CCDC178: variants seen among roughly 807,000 people sequenced by gnomAD.
CCDC178 encodes the protein coiled-coil domain containing 178.
A neutral mutation model predicts 117.4 loss-of-function variants in CCDC178; 126 were observed. The observed-to-expected ratio is 1.07, with a 90% confidence interval of 0.93 to 1.24. The LOEUF (loss-of-function observed/expected upper bound fraction) is 1.24, where lower values mean the gene tolerates loss of function less well. Among genes scored for constraint, CCDC178 ranks in the 50% most tolerant of loss-of-function variants. The probability of loss-of-function intolerance (pLI) is 0.00; values close to 1 mark genes in which losing one functional copy is unlikely to be tolerated. For synonymous variants in CCDC178, 283 were observed against 313.4 expected (o/e 0.90, Z 1.02); for missense variants, 1,030 against 986.9 (o/e 1.04, Z -0.59).
chr18:33,183,106 G>A (rs2058749484), intron 20 of CCDC178, among the ~76,000 whole-genome samples: 1 of 151,838 alleles, frequency 6.6e-6, no homozygotes, highest in South Asian at 2.1e-4. Flanking sequence ...ACCGATATAT[G>A]CATTTTATTG....
chr18:32,947,032 G>A (rs1039454918), intron 22 of CCDC178, among the ~76,000 whole-genome samples: 1 of 151,842 alleles, frequency 6.6e-6, no homozygotes, highest in Non-Finnish European at 1.5e-5. Flanking sequence ...CGCCCGCCTC[G>A]GCCTCCTAAA....
intron 9 of CCDC178, among the ~76,000 whole-genome samples, chr18:33,340,154 G>C (rs904750316): frequency 2.0e-5 from 3 of 152,116 alleles, no homozygotes; most frequent in African/African-American, 7.2e-5. Context: ...ACAGAGATAA[G>C]AAACTTGTTG....
chr18:33,404,507 T>C (rs983835435), intron 3 of CCDC178, among the ~76,000 whole-genome samples: 4 of 152,116 alleles, frequency 2.6e-5, no homozygotes, highest in Admixed American at 6.6e-5. Flanking sequence ...TTTTGTATTA[T>C]GAAATGTAAA....
intron 15 of CCDC178, among the ~76,000 whole-genome samples, chr18:33,232,984 T>C (rs1458274447): frequency 6.6e-6 from 1 of 152,202 alleles, no homozygotes; most frequent in Non-Finnish European, 1.5e-5. Context: ...TTTCCTATTA[T>C]ATGTTATTAG....
intron 20 of CCDC178, among the ~76,000 whole-genome samples, chr18:33,164,782 A>C (rs914372844): frequency 2.0e-5 from 3 of 152,144 alleles, no homozygotes; most frequent in Non-Finnish European, 4.4e-5. Context: ...CGGAAATGGG[A>C]GGGTATTTTC....
intron 22 of CCDC178, among the ~76,000 whole-genome samples, chr18:32,959,361 T>C (rs772908433): frequency 1.2e-4 from 18 of 152,162 alleles, no homozygotes; most frequent in Non-Finnish European, 2.6e-4. Context: ...GTAGGATACA[T>C]AGTGCATTGA....
intron 12 of CCDC178, among the ~76,000 whole-genome samples, chr18:33,275,752 T>C (rs1400216684): frequency 1.3e-5 from 2 of 151,160 alleles, no homozygotes; most frequent in Non-Finnish European, 3.0e-5. Flanking sequence ...CATTTTTGCA[T>C]GTCCAACCCA....
At chr18:32,954,499 T>C (rs1598727327) in intron 22 of CCDC178, 2 of 152,192 alleles carry the variant, frequency 1.3e-5, no homozygotes, top group African/African-American at 4.8e-5. Flanking sequence ...TATGGTATTG[T>C]TTTTAGGGTT....
intron 20 of CCDC178, among the ~76,000 whole-genome samples, chr18:33,142,325 C>T (rs1486164586): frequency 6.6e-6 from 1 of 152,168 alleles, no homozygotes; most frequent in Non-Finnish European, 1.5e-5. Flanking sequence ...GATCGCCATA[C>T]TGCAACATGG....
At chr18:33,320,829 A>G (rs1425660749) in intron 11 of CCDC178, among the ~76,000 whole-genome samples, 1 of 152,200 alleles carries the variant, frequency 6.6e-6, no homozygotes, top group African/African-American at 2.4e-5. Flanking sequence ...ACACTACCTG[A>G]CTTCAAACTA....
chr18:33,189,448 T>C (rs1029691370), intron 20 of CCDC178, among the ~76,000 whole-genome samples: 6 of 152,312 alleles, frequency 3.9e-5, no homozygotes, highest in Admixed American at 1.3e-4. Context: ...TGTTTACATA[T>C]ATGTAAGTTA....
At chr18:33,055,013 A>G (rs920630952) in intron 21 of CCDC178, among the ~76,000 whole-genome samples, 2 of 152,094 alleles carry the variant, frequency 1.3e-5, no homozygotes, top group African/African-American at 4.8e-5. Context: ...TTGAATTTGC[A>G]TTTCTCTAAT....
intron 12 of CCDC178, among the ~76,000 whole-genome samples, chr18:33,289,324 T>TA (rs1568119631): frequency 6.6e-6 from 1 of 152,054 alleles, no homozygotes; most frequent in Non-Finnish European, 1.5e-5. Context: ...AAAAATAATT[T>TA]AAAAAAATGG....
chr18:33,117,094 T>C (rs965862908), intron 20 of CCDC178, among the ~76,000 whole-genome samples: 4 of 151,996 alleles, frequency 2.6e-5, no homozygotes, highest in African/African-American at 4.8e-5. Context: ...GGTTAGAAAA[T>C]TGATGAAAAG....
intron 11 of CCDC178, among the ~76,000 whole-genome samples, chr18:33,309,155 A>C (rs1406779279): frequency 3.3e-5 from 5 of 149,946 alleles, no homozygotes; most frequent in Middle Eastern, 6.8e-3. Context: ...TAAGGCTATG[A>C]ACATAGCCAA....
intron 21 of CCDC178, among the ~76,000 whole-genome samples, chr18:33,016,904 C>T (rs1026469254): frequency 2.6e-5 from 4 of 151,682 alleles, no homozygotes; most frequent in African/African-American, 9.7e-5. Flanking sequence ...GCAGAAAAAA[C>T]ATTTGGCAAT....
chr18:33,176,067 CA>C (rs1196861921), intron 20 of CCDC178, among the ~76,000 whole-genome samples: 1 of 152,010 alleles, frequency 6.6e-6, no homozygotes, highest in Non-Finnish European at 1.5e-5. Flanking sequence ...CCCTTCCACA[CA>C]CCCCCTCCTC....
At chr18:33,367,372 T>A (rs956034582) in intron 6 of CCDC178, among the ~76,000 whole-genome samples, 1 of 152,106 alleles carries the variant, frequency 6.6e-6, no homozygotes, top group Non-Finnish European at 1.5e-5. Context: ...TGAATTATGA[T>A]CTTTATTTAC....
intron 20 of CCDC178, among the ~76,000 whole-genome samples, chr18:33,141,634 T>A (rs2058206413): frequency 6.6e-6 from 1 of 152,188 alleles, no homozygotes; most frequent in African/African-American, 2.4e-5. Flanking sequence ...CTAGAATTAT[T>A]TATCCAAAGA....
Sources: allele counts gnomAD v4.1 joint callset (sites outside exome capture counted in the v4.1 genomes callset), GRCh38; gene constraint gnomAD v4.1.1; transcripts MANE v1.5; gene names NCBI Gene and HGNC (gene_info 2026-07-23, HGNC 2026-07-21).